PLEKHA5: variants seen among roughly 807,000 people sequenced by gnomAD.
PLEKHA5 encodes the protein pleckstrin homology domain containing A5.
Under a neutral mutation model 181.9 loss-of-function variants are expected in PLEKHA5, and 55 were observed. The observed-to-expected ratio is 0.30, with a 90% CI of 0.24 to 0.38. The LOEUF (loss-of-function observed/expected upper bound fraction) is 0.38. Among genes scored for constraint, PLEKHA5 ranks in the 10% least tolerant of loss-of-function variants. The pLI is 1.00. For missense variants in PLEKHA5, 1,432 were observed against 1,549.5 expected, an observed-to-expected ratio of 0.92 and a Z score of 1.27; for synonymous variants, 535 against 529.4, an observed-to-expected ratio of 1.01 and a Z score of -0.15.
At chr12:19,153,983 G>A (rs1055313046) in intron 3 of PLEKHA5, 3 of 152,138 alleles carry the variant, frequency 2.0e-5, no homozygotes, top group Non-Finnish European at 4.4e-5. Context: ...AAATGTTGCA[G>A]TGACTTCTTG....
In PLEKHA5 at chr12:19,129,837, C is replaced by A; in HGVS notation, c.38C>A (p.Pro13His). The A allele has an allele frequency of 6.2e-7, 1 of 1,607,054 alleles. No individual in the cohort carries two copies. Among genetic ancestry groups the A allele is most frequent in the Non-Finnish European group, 8.5e-7 (1 of 1,177,162 alleles). ...ADLNLEWISL[P>H]RSWTYGITRG... ...CTGAACCTGGAGTGGATCTCCCTGC[C>A]CCGGTCCTGGACTTACGGGATCACC... Residue 13 changes from proline (P) to histidine (H), a missense_variant, in exon 1 of 32, where the codon CCC (proline) becomes CAC (histidine). Physicochemically the swap from Pro to His is moderately conservative, Grantham distance 77. This residue lies in a region of PLEKHA5 where 289 missense variants were observed against 381.1 expected (regional missense o/e 0.76). Coordinates refer to ENST00000429027, the MANE Select transcript of PLEKHA5 (RefSeq NM_001256470.2).
In PLEKHA5 at chr12:19,203,340, T is replaced by C. The variant is rs143077260; in HGVS notation, c.228-50600T>C. ...CATTATCCAGGGTATAGAACACTTC[T>C]TGCCATCTGCTTCCAGATTCCATCC... On this transcript the variant is annotated intron_variant, in intron 3 of 31. Transcript: ENST00000429027. Among the ~76,000 whole-genome samples the C allele has an allele frequency of 5.5e-3, 832 of 152,208 alleles. 7 individuals carry two copies. The highest frequency in any genetic ancestry group is 0.019 in the African/African-American group (803 of 41,538).
chr12:19,254,206 A>G (rs1053696258), intron 4 of PLEKHA5, among the ~76,000 whole-genome samples, 183 bp downstream of exon 4: 2 of 152,190 alleles, frequency 1.3e-5, no homozygotes, highest in East Asian at 3.9e-4. Context: ...TTTCATGAAG[A>G]ATGTAATTTC....
At chr12:19,185,405 T>C (rs1284139179) in intron 3 of PLEKHA5, among the ~76,000 whole-genome samples, 1 of 151,914 alleles carries the variant, frequency 6.6e-6, no homozygotes, top group Non-Finnish European at 1.5e-5. Context: ...GAGAATGTCT[T>C]ATGTTGGATT....
intron 2 of PLEKHA5, chr12:19,131,022 C>T (rs532596696): frequency 6.6e-6 from 1 of 152,434 alleles, no homozygotes; most frequent in South Asian, 2.1e-4. Context: ...GGAAAAGGCT[C>T]CTCGTAGTTT....
chr12:19,316,435 G>C (rs940552137), intron 16 of PLEKHA5, among the ~76,000 whole-genome samples: 1 of 149,776 alleles, frequency 6.7e-6, no homozygotes, highest in Non-Finnish European at 1.5e-5. Context: ...GCTGAGGGGG[G>C]GGAAAGTGAA....
chr12:19,248,902 T>A (rs932887876), intron 3 of PLEKHA5, among the ~76,000 whole-genome samples: 9 of 152,364 alleles, frequency 5.9e-5, no homozygotes, highest in Middle Eastern at 6.8e-3. Flanking sequence ...CTGAATGTCC[T>A]GCAGTTCATA....
At chr12:19,227,144 A>G (rs1592129817) in intron 3 of PLEKHA5, among the ~76,000 whole-genome samples, 1 of 152,156 alleles carries the variant, frequency 6.6e-6, no homozygotes, top group Non-Finnish European at 1.5e-5. Flanking sequence ...TTCATTTTAA[A>G]TTACATTTCC....
At chr12:19,212,064 A>T (rs531379551) in intron 3 of PLEKHA5, among the ~76,000 whole-genome samples, 10 of 152,176 alleles carry the variant, frequency 6.6e-5, no homozygotes, top group Non-Finnish European at 1.0e-4. Flanking sequence ...AAACCAATGA[A>T]CTTCTATAAA....
intron 15 of PLEKHA5, among the ~76,000 whole-genome samples, chr12:19,308,879 C>T (rs1430669380): frequency 7.3e-6 from 1 of 136,220 alleles, no homozygotes; most frequent in Non-Finnish European, 1.5e-5. Flanking sequence ...GAAACCTTGT[C>T]TCTACTAAAA....
At chr12:19,227,977 C>T (rs780664544) in intron 3 of PLEKHA5, among the ~76,000 whole-genome samples, 5 of 152,170 alleles carry the variant, frequency 3.3e-5, no homozygotes, top group Non-Finnish European at 7.4e-5. Flanking sequence ...TGTAGTCATT[C>T]ACTGCATCAC....
chr12:19,339,435 C>A lies in PLEKHA5; in HGVS notation c.2550+2819C>A, dbSNP rs1007894833. ...GAAATTTGCCAATCCCAGATTTAAC[C>A]TGCCAAAAAATATATTTATTATGAA... On this transcript the variant is annotated intron_variant, in intron 21 of 31. Coordinates refer to ENST00000429027, the MANE Select transcript of PLEKHA5 (RefSeq NM_001256470.2). 3.3e-5 allele frequency among the ~76,000 whole-genome samples: 5 copies of A among 152,104 alleles called. No homozygotes were observed. In the East Asian group the frequency reaches 9.6e-4, roughly 29 times the overall value.
Position 19,283,403 on chromosome 12 carries a change from C to T in PLEKHA5, c.1437C>T (p.Cys479=). The part of the protein sequence containing the change: ...RNSKTRPESI[C]SVTPSTHDKT... ...GCAAGACAAGGCCTGAAAGTATCTG[C>T]AGTGTAACCCCTTCCACTCATGACA... The change falls in exon 12 of 32, where the codon TGC becomes TGT. Residue 479 remains cysteine (C), a synonymous_variant. Transcript: ENST00000429027. 6.2e-7 allele frequency: 1 copy of T among 1,613,874 alleles called. No individual in the cohort carries two copies. Among genetic ancestry groups the T allele is most frequent in the Non-Finnish European group, 8.5e-7 (1 of 1,179,892 alleles).
intron 3 of PLEKHA5, among the ~76,000 whole-genome samples, chr12:19,176,137 AC>A (rs771012858): frequency 7.9e-5 from 12 of 152,030 alleles, no homozygotes; most frequent in Non-Finnish European, 1.6e-4. Flanking sequence ...ATAACAAGAT[AC>A]AATGTTGTAT....
chr12:19,265,988 G>C, intron 8 of PLEKHA5, 138 bp downstream of exon 8: 1 of 457,398 alleles, frequency 2.2e-6, no homozygotes, highest in Non-Finnish European at 3.8e-6. Flanking sequence ...TGGTCTTATG[G>C]TTGTATAGAA....
At chr12:19,210,152 T>C (rs1329883562) in intron 3 of PLEKHA5, among the ~76,000 whole-genome samples, 2 of 152,344 alleles carry the variant, frequency 1.3e-5, no homozygotes, top group African/African-American at 4.8e-5. Flanking sequence ...AAATGGCTGA[T>C]ATTCTCATTT....
rs751663011 is a variant in PLEKHA5 at position 19,274,860 on chromosome 12, G to A, written c.1190G>A (p.Arg397His). ...CTGGCAGATCTTAGAGGTGGAAATC[G>A]CCCCAATACAGGGCCCTTATACACA... Reference protein sequence around the residue: ...VSLADLRGGNRPNTGPLYTEA... With the variant: ...VSLADLRGGNHPNTGPLYTEA... The change falls in exon 11 of 32, where the codon CGC (arginine) becomes CAC (histidine). Residue 397 changes from arginine (R) to histidine (H), a missense_variant. Arg to His is a conservative substitution (Grantham distance 29, BLOSUM62 0). This residue lies in a region of PLEKHA5 where 1,143 missense variants were observed against 1,168.4 expected (regional missense o/e 0.98). Coordinates refer to ENST00000429027, the MANE Select transcript of PLEKHA5 (RefSeq NM_001256470.2). 13 of 1,613,856 alleles carry A rather than the reference G, an allele frequency of 8.1e-6. No individual in the cohort carries two copies. The highest frequency in any genetic ancestry group is 1.3e-5 in the African/African-American group (1 of 74,880).
At chr12:19,300,533 CA>C (rs2081186841) in intron 15 of PLEKHA5, among the ~76,000 whole-genome samples, 1 of 152,154 alleles carries the variant, frequency 6.6e-6, no homozygotes. Flanking sequence ...ATTTTATGTA[CA>C]TTTTTCAGCA....
intron 12 of PLEKHA5, among the ~76,000 whole-genome samples, chr12:19,284,971 TA>T (rs1478394831): frequency 2.6e-5 from 4 of 152,220 alleles, no homozygotes; most frequent in Non-Finnish European, 4.4e-5. Flanking sequence ...TATACTGTTT[TA>T]AAATGCTCTT....
Sources: allele counts gnomAD v4.1 joint callset (sites outside exome capture counted in the v4.1 genomes callset), GRCh38; gene constraint gnomAD v4.1.1; regional missense constraint gnomAD v4.1.1; transcripts MANE v1.5; gene names NCBI Gene and HGNC (gene_info 2026-07-23, HGNC 2026-07-21).